ALDH1A2: variants seen among roughly 807,000 people sequenced by gnomAD.
ALDH1A2 encodes retinal dehydrogenase 2.
Under a neutral mutation model 60.3 loss-of-function variants are expected in ALDH1A2, and 27 were observed. The observed-to-expected ratio is 0.45, with a 90% CI of 0.33 to 0.62. The LOEUF is 0.62. Ranked by LOEUF, ALDH1A2 falls within the 20% of genes least tolerant of loss-of-function variation. ALDH1A2 has a pLI of 0.02. For synonymous variants in ALDH1A2, 289 were observed against 232.4 expected (o/e 1.24, Z -2.21); for missense variants, 581 against 643.8 (o/e 0.90, Z 1.06).
At chr15:58,048,169 C>CA (rs1293934582) in intron 1 of ALDH1A2, among the ~76,000 whole-genome samples, 6 of 151,138 alleles carry the variant, frequency 4.0e-5, no homozygotes, top group South Asian at 4.2e-4. Context: ...AGTACAAGGT[C>CA]AAAAAAAATG....
chr15:57,958,963 G>C (rs554340014), intron 12 of ALDH1A2, among the ~76,000 whole-genome samples: 2 of 151,994 alleles, frequency 1.3e-5, no homozygotes, highest in African/African-American at 4.8e-5. Context: ...ATGGTTCTTC[G>C]GTCTCTTGAG....
intron 12 of ALDH1A2, among the ~76,000 whole-genome samples, chr15:57,956,505 C>T (rs1473949469): frequency 2.0e-5 from 3 of 152,120 alleles, no homozygotes; most frequent in South Asian, 2.1e-4. Context: ...CTCTGAGCAC[C>T]GTGGGCACCT....
chr15:57,986,950 C>T (rs551545541), intron 7 of ALDH1A2, among the ~76,000 whole-genome samples: 5 of 152,002 alleles, frequency 3.3e-5, no homozygotes, highest in Non-Finnish European at 5.9e-5. Context: ...CCACCACGCC[C>T]GGCCACAGAC....
chr15:57,992,628 A>G (rs1894932984), intron 7 of ALDH1A2, 77 bp downstream of exon 7: 1 of 1,308,046 alleles, frequency 7.6e-7, no homozygotes, highest in African/African-American at 1.5e-5. Context: ...GCCTATGGGT[A>G]CTAGTTTTAT....
chr15:58,013,360 G>T (rs1461101030), intron 3 of ALDH1A2, among the ~76,000 whole-genome samples: 2 of 152,144 alleles, frequency 1.3e-5, no homozygotes, highest in Non-Finnish European at 2.9e-5. Context: ...TTTTAGAAAA[G>T]AAGGTACTTA....
intron 4 of ALDH1A2, among the ~76,000 whole-genome samples, chr15:58,004,417 A>G (rs1258359029): frequency 6.6e-6 from 1 of 151,818 alleles, no homozygotes; most frequent in Non-Finnish European, 1.5e-5. Context: ...TAGTGCGCCC[A>G]TCACCAGAAT....
intron 4 of ALDH1A2, among the ~76,000 whole-genome samples, chr15:58,008,140 T>G (rs1486169142): frequency 6.6e-6 from 1 of 152,084 alleles, no homozygotes; most frequent in Non-Finnish European, 1.5e-5. Context: ...GAGAGAGCTC[T>G]TATGACCCAA....
At chr15:58,030,401 G>C (rs1896203556) in intron 1 of ALDH1A2, among the ~76,000 whole-genome samples, 1 of 152,044 alleles carries the variant, frequency 6.6e-6, no homozygotes, top group Admixed American at 6.6e-5. Context: ...AAAATAATAA[G>C]AGCTATTTAT....
rs186036671 is a variant in ALDH1A2, at chr15:58,052,543, G to A, written c.117+12991C>T. 2.7e-4 allele frequency among the ~76,000 whole-genome samples: 41 copies of A among 152,146 alleles called. 1 individual carries two copies. The East Asian group carries it at 7.7e-3, about 29-fold the overall frequency. ...TGCAGTGGCGCAATCTCGGCTCAGT[G>A]CAACCTCTGCTTCCTGTTACCAGGA... On this transcript the variant is annotated intron_variant, in intron 1 of 12. Transcript: ENST00000249750.
At chr15:58,026,776 A>G (rs1362392334) in intron 1 of ALDH1A2, among the ~76,000 whole-genome samples, 3 of 152,184 alleles carry the variant, frequency 2.0e-5, no homozygotes, top group African/African-American at 4.8e-5. Flanking sequence ...CTAGTGCAGC[A>G]GTCTGAGATT....
chr15:57,985,854 G>C (rs951613269), intron 7 of ALDH1A2, among the ~76,000 whole-genome samples: 1 of 152,126 alleles, frequency 6.6e-6, no homozygotes, highest in African/African-American at 2.4e-5. Context: ...AAGCAAATCA[G>C]CTCAAAGATG....
intron 4 of ALDH1A2, among the ~76,000 whole-genome samples, chr15:57,996,090 C>T (rs1023834613): frequency 2.0e-5 from 3 of 152,024 alleles, no homozygotes; most frequent in Admixed American, 6.6e-5. Context: ...CAAGTGAAAA[C>T]ACTCAGCTAA....
At chr15:57,968,012 C>G (rs1350253575) in intron 7 of ALDH1A2, among the ~76,000 whole-genome samples, 1 of 152,180 alleles carries the variant, frequency 6.6e-6, no homozygotes, top group African/African-American at 2.4e-5. Flanking sequence ...CAGCAATCCT[C>G]TGACTTACTG....
At chr15:57,963,747 C>A in intron 9 of ALDH1A2, 138 bp downstream of exon 9, 2 of 854,570 alleles carry the variant, frequency 2.3e-6, no homozygotes, top group Non-Finnish European at 3.7e-6. Context: ...GCTCCATTTC[C>A]AGCCACGAAG....
At chr15:58,064,135 G>T (rs1454118463) in intron 1 of ALDH1A2, among the ~76,000 whole-genome samples, 1 of 110,326 alleles carries the variant, frequency 9.1e-6, no homozygotes, top group Non-Finnish European at 2.0e-5. Flanking sequence ...TTTAAAAAGA[G>T]CCTGAAGAGG....
chr15:58,045,393 G>C (rs947559719), intron 1 of ALDH1A2, among the ~76,000 whole-genome samples: 2 of 151,972 alleles, frequency 1.3e-5, no homozygotes, highest in Non-Finnish European at 2.9e-5. Flanking sequence ...CCCATTACTG[G>C]GTATATACCC....
intron 4 of ALDH1A2, among the ~76,000 whole-genome samples, chr15:57,998,291 T>C (rs1474495693): frequency 6.6e-6 from 1 of 152,074 alleles, no homozygotes; most frequent in East Asian, 1.9e-4. Flanking sequence ...TGGTCCTATA[T>C]CTAGAAAACC....
intron 1 of ALDH1A2, among the ~76,000 whole-genome samples, chr15:58,024,088 C>T (rs868485080): frequency 5.1e-4 from 78 of 151,924 alleles, no homozygotes; most frequent in African/African-American, 1.7e-3. Flanking sequence ...AGCAAAATTC[C>T]ATCTCAAAAA....
At chr15:58,016,334 G>A (rs1566949900) in intron 1 of ALDH1A2, among the ~76,000 whole-genome samples, 1 of 151,894 alleles carries the variant, frequency 6.6e-6, no homozygotes, top group Admixed American at 6.6e-5. Context: ...AGTAGAGACG[G>A]GGTTTCACCT....
Sources: gnomAD v4.1 joint callset for allele counts (sites outside exome capture counted in the v4.1 genomes callset) on GRCh38, gnomAD v4.1.1 for gene constraint, MANE v1.5 for transcripts, NCBI Gene and HGNC (gene_info 2026-07-23, HGNC 2026-07-21) for gene names.